RBM25: variants seen among roughly 807,000 people sequenced by gnomAD.
RBM25 encodes RNA-binding protein 25.
In RBM25, 19 loss-of-function variants were observed where a neutral mutation model predicts 120.7. The ratio of observed to expected loss-of-function variants is 0.16; its 90% CI spans 0.11 to 0.23. The LOEUF (loss-of-function observed/expected upper bound fraction) is 0.23, where lower values mean the gene tolerates loss of function less well. Ranked by LOEUF, RBM25 falls within the 10% of genes least tolerant of loss-of-function variation. The probability of loss-of-function intolerance (pLI) is 1.00; values close to 1 mark genes in which losing one functional copy is unlikely to be tolerated. For synonymous variants in RBM25, 390 were observed against 326.7 expected (o/e 1.19, Z -2.09); for missense variants, 605 against 1,041.5 (o/e 0.58, Z 5.77).
chr14:73,103,528 C>G, intron 10 of RBM25, 50 bp downstream of exon 10: 1 of 1,524,874 alleles, frequency 6.6e-7, no homozygotes, highest in Non-Finnish European at 8.8e-7. Context: ...AGAAAACTAT[C>G]GGGTAGTCCT....
chr14:73,096,304 T>TTGATAAAG (rs1329672062), intron 6 of RBM25, among the ~76,000 whole-genome samples: 2 of 152,146 alleles, frequency 1.3e-5, no homozygotes, highest in Non-Finnish European at 2.9e-5. Context: ...GACCTACAAA[T>TTGATAAAG]ACTTACTTTG....
At chr14:73,088,246 G>A (rs1480265630) in intron 6 of RBM25, 85 bp downstream of exon 6, 1 of 1,513,780 alleles carries the variant, frequency 6.6e-7, no homozygotes, top group East Asian at 2.3e-5. Context: ...ATCTAATATG[G>A]GGCTTCAAAA....
At chr14:73,100,965 G>A (rs962472960) in intron 9 of RBM25, 6 of 152,072 alleles carry the variant, frequency 3.9e-5, no homozygotes, top group African/African-American at 1.4e-4. Context: ...TGTGTGTGTG[G>A]TTTACCCCCT....
Position 73,111,464 on chromosome 14 carries a change from G to T in RBM25, c.2018-64G>T, listed in dbSNP as rs1896308259. On this transcript the variant is annotated intron_variant, in intron 15 of 18. Transcript: ENST00000261973. Reference sequence around the variant, plus strand: ...TATTTTGCATTGCTTTTGAGGGATGGTGGGTTATAAAATGAAACATTTGGA... The same window carrying T: ...TATTTTGCATTGCTTTTGAGGGATGTTGGGTTATAAAATGAAACATTTGGA... The T allele has an allele frequency of 3.4e-6, 5 of 1,474,330 alleles. No homozygotes were observed. The South Asian group carries it at 6.9e-5, about 20-fold the overall frequency. The allele number at this position is 1,474,330 out of a possible 1,614,324, so 91.3% of individuals were successfully genotyped here. A position where few individuals can be genotyped will look rare whatever the true frequency, so the allele number is the denominator to read the frequency against.
chr14:73,103,769 G>C (rs1466073043), intron 10 of RBM25, among the ~76,000 whole-genome samples: 1 of 151,916 alleles, frequency 6.6e-6, no homozygotes, highest in Non-Finnish European at 1.5e-5. Context: ...AATCAGCCTG[G>C]TTTTGAACTC....
At chr14:73,098,607 T>G (rs1375225004) in intron 7 of RBM25, among the ~76,000 whole-genome samples, 2 of 152,192 alleles carry the variant, frequency 1.3e-5, no homozygotes, top group African/African-American at 4.8e-5. Context: ...TGGTATGTGT[T>G]TCCTCGTTTG....
chr14:73,086,680 T>A (rs560516340), intron 5 of RBM25, among the ~76,000 whole-genome samples: 1 of 152,178 alleles, frequency 6.6e-6, no homozygotes, highest in Non-Finnish European at 1.5e-5. Context: ...ATTGACACTA[T>A]CATCAGCAAT....
At chr14:73,088,282 T>A in intron 6 of RBM25, 121 bp downstream of exon 6, 2 of 1,253,650 alleles carry the variant, frequency 1.6e-6, no homozygotes, top group Non-Finnish European at 2.3e-6. Flanking sequence ...GCTTGTGGCT[T>A]AATGTAGGAG....
At chr14:73,090,423 C>T (rs1895788107) in intron 6 of RBM25, among the ~76,000 whole-genome samples, 2 of 152,156 alleles carry the variant, frequency 1.3e-5, no homozygotes, top group Non-Finnish European at 2.9e-5. Flanking sequence ...TCTTCCCTCC[C>T]CTGCACATAC....
chr14:73,078,466 G>A (rs1485675562), intron 4 of RBM25, among the ~76,000 whole-genome samples: 2 of 152,062 alleles, frequency 1.3e-5, no homozygotes, highest in Non-Finnish European at 2.9e-5. Context: ...ACTCCAGCCC[G>A]AGCAAGAGAG....
intron 6 of RBM25, among the ~76,000 whole-genome samples, chr14:73,092,357 T>C (rs1427163656): frequency 6.6e-6 from 1 of 152,100 alleles, no homozygotes; most frequent in East Asian, 1.9e-4. Flanking sequence ...TTTTTTATTC[T>C]TGGTCGTTGA....
intron 6 of RBM25, 37 bp from the exon 7 acceptor site, chr14:73,096,878 G>C: frequency 6.3e-7 from 1 of 1,579,294 alleles, no homozygotes; most frequent in Non-Finnish European, 8.6e-7. Context: ...TTTCTTGCTT[G>C]ATTTTTCTTT....
At chr14:73,092,350 T>C (rs1895837654) in intron 6 of RBM25, among the ~76,000 whole-genome samples, 2 of 152,090 alleles carry the variant, frequency 1.3e-5, no homozygotes. Context: ...GTGATTGTTT[T>C]TTATTCTTGG....
intron 10 of RBM25, among the ~76,000 whole-genome samples, chr14:73,105,409 T>C (rs1415935573): frequency 6.6e-6 from 1 of 152,234 alleles, no homozygotes; most frequent in Non-Finnish European, 1.5e-5. Context: ...GTCAGAATTC[T>C]GTTTTCCACA....
In RBM25 at chr14:73,061,652, C is replaced by T. The variant is rs190394543; in HGVS notation, c.-16+2947C>T. ...TGCGATCTTGGCTCACTGCAACTTCCGCATTTCAGGCTTAAGCAATCCTCC... is the reference window on the plus strand; with the variant it reads ...TGCGATCTTGGCTCACTGCAACTTCTGCATTTCAGGCTTAAGCAATCCTCC... On this transcript the variant is annotated intron_variant, in intron 1 of 18. Coordinates refer to ENST00000261973, the MANE Select transcript of RBM25 (RefSeq NM_021239.3). Among the ~76,000 whole-genome samples the T allele has an allele frequency of 3.6e-4, 55 of 151,248 alleles. 4 individuals are homozygous for T. Among genetic ancestry groups the T allele is most frequent in the Non-Finnish European group, 7.0e-4 (47 of 67,462 alleles).
intron 18 of RBM25, among the ~76,000 whole-genome samples, chr14:73,118,634 G>A (rs1349025509): frequency 1.3e-5 from 2 of 152,126 alleles, no homozygotes; most frequent in African/African-American, 2.4e-5. Flanking sequence ...TGTCAGACAT[G>A]TATAATTGCA....
At chr14:73,119,335 C>T (rs749812441) in intron 18 of RBM25, among the ~76,000 whole-genome samples, 6 of 151,964 alleles carry the variant, frequency 3.9e-5, no homozygotes, top group Admixed American at 1.3e-4. Context: ...TGCAGTGGCG[C>T]GATCTTGGCA....
At chr14:73,103,511 A>G (rs766495139) in intron 10 of RBM25, 33 bp downstream of exon 10, 2 of 1,535,090 alleles carry the variant, frequency 1.3e-6, no homozygotes, top group Non-Finnish European at 1.7e-6. Context: ...GTTTCCTGAT[A>G]GCTTTAAGAA....
intron 3 of RBM25, among the ~76,000 whole-genome samples, chr14:73,076,660 A>G (rs558714674): frequency 1.3e-5 from 2 of 152,300 alleles, no homozygotes; most frequent in East Asian, 1.9e-4. Flanking sequence ...TTGGCTCTTC[A>G]TTGCCTTCTC....
Sources: allele counts gnomAD v4.1 joint callset (sites outside exome capture counted in the v4.1 genomes callset), GRCh38; gene constraint gnomAD v4.1.1; transcripts MANE v1.5; gene names NCBI Gene and HGNC (gene_info 2026-07-23, HGNC 2026-07-21).